Variants in SGCZ observed in about 807,000 individuals in gnomAD.
SGCZ encodes zeta-sarcoglycan.
In SGCZ, 40 loss-of-function variants were observed where a neutral mutation model predicts 41.3. That is an observed-to-expected ratio of 0.97 (90% CI 0.75 to 1.26). The LOEUF is 1.26. Among genes scored for constraint, SGCZ ranks in the 50% most tolerant of loss-of-function variants. The pLI, the probability that SGCZ is intolerant of heterozygous loss-of-function variation, is 0.00. For synonymous variants in SGCZ, 206 were observed against 137.5 expected, an observed-to-expected ratio of 1.50 and a Z score of -3.49; for missense variants, 552 against 369.8, an observed-to-expected ratio of 1.49 and a Z score of -4.04.
At chr8:14,199,219 G>A (rs1021357967) in intron 4 of SGCZ, among the ~76,000 whole-genome samples, 3 of 152,156 alleles carry the variant, frequency 2.0e-5, no homozygotes, top group Admixed American at 6.6e-5. Flanking sequence ...CTAAGGGGAG[G>A]ACTCTGAAAT....
chr8:14,164,530 T>A (rs1349887310), intron 5 of SGCZ, 50 bp downstream of exon 5: 1 of 1,607,874 alleles, frequency 6.2e-7, no homozygotes, highest in Non-Finnish European at 8.5e-7. Context: ...TGTGCAGTTG[T>A]ATATTCTTTA....
chr8:14,427,396 G>C (rs1325417427), intron 2 of SGCZ, among the ~76,000 whole-genome samples: 1 of 151,934 alleles, frequency 6.6e-6, no homozygotes, highest in Non-Finnish European at 1.5e-5. Context: ...AAGCGTGAAG[G>C]CATTTTGTTT....
At chr8:14,178,432 C>A (rs978489420) in intron 4 of SGCZ, among the ~76,000 whole-genome samples, 4 of 152,180 alleles carry the variant, frequency 2.6e-5, no homozygotes, top group African/African-American at 9.6e-5. Context: ...GCTAGCAAAC[C>A]ATGTAAACAG....
intron 1 of SGCZ, among the ~76,000 whole-genome samples, chr8:15,129,278 AC>A (rs1442314322): frequency 6.6e-6 from 1 of 152,024 alleles, no homozygotes; most frequent in East Asian, 1.9e-4. Flanking sequence ...TTGCAACCAC[AC>A]CCAGATACCA....
intron 2 of SGCZ, among the ~76,000 whole-genome samples, chr8:14,436,213 G>A (rs757752649): frequency 2.6e-5 from 4 of 152,142 alleles, no homozygotes; most frequent in Non-Finnish European, 4.4e-5. Context: ...AAGCCAATGA[G>A]CCACGGAACT....
chr8:14,250,035 A>T (rs1194326386), intron 3 of SGCZ, among the ~76,000 whole-genome samples: 1 of 152,208 alleles, frequency 6.6e-6, no homozygotes, highest in Admixed American at 6.5e-5. Context: ...TCATCTGAAG[A>T]TATTTCTAAA....
chr8:14,974,370 C>G (rs1801396432), intron 1 of SGCZ, among the ~76,000 whole-genome samples: 3 of 152,126 alleles, frequency 2.0e-5, no homozygotes, highest in Non-Finnish European at 4.4e-5. Context: ...AGTTCAGAAT[C>G]ACATAGAACA....
chr8:14,761,534 TA>T (rs199641886), intron 1 of SGCZ, among the ~76,000 whole-genome samples: 1,892 of 140,090 alleles, frequency 0.014, 28 homozygotes, highest in Middle Eastern at 0.019. Flanking sequence ...TTTATTTATT[TA>T]TTTATTTTTT....
intron 1 of SGCZ, among the ~76,000 whole-genome samples, chr8:14,794,178 A>C (rs985537759): frequency 6.6e-6 from 1 of 152,186 alleles, no homozygotes; most frequent in African/African-American, 2.4e-5. Context: ...AGTCACGATT[A>C]GACACCAATA....
chr8:14,426,001 C>T (rs1799772626), intron 2 of SGCZ, among the ~76,000 whole-genome samples: 2 of 151,980 alleles, frequency 1.3e-5, no homozygotes, highest in South Asian at 4.1e-4. Context: ...TATTAATTAA[C>T]ATTAATTAAC....
chr8:14,162,847 A>T (rs1160890762), intron 5 of SGCZ, among the ~76,000 whole-genome samples: 1 of 152,152 alleles, frequency 6.6e-6, no homozygotes, highest in Non-Finnish European at 1.5e-5. Context: ...GTTGAATTTC[A>T]TCACCATTTA....
intron 1 of SGCZ, among the ~76,000 whole-genome samples, chr8:14,742,081 G>T (rs1277350057): frequency 6.6e-6 from 1 of 151,452 alleles, no homozygotes; most frequent in Non-Finnish European, 1.5e-5. Context: ...TGATTTAGAG[G>T]GAAAAAAAAC....
At chr8:14,300,795 C>G (rs188524924) in intron 3 of SGCZ, among the ~76,000 whole-genome samples, 6 of 151,948 alleles carry the variant, frequency 3.9e-5, no homozygotes, top group Non-Finnish European at 1.5e-5. Flanking sequence ...TATTCAGGTC[C>G]TTTGCCTATT....
intron 2 of SGCZ, among the ~76,000 whole-genome samples, chr8:14,370,934 T>A (rs1008506227): frequency 2.6e-5 from 4 of 152,012 alleles, no homozygotes; most frequent in East Asian, 1.9e-4. Flanking sequence ...TCACAGTGCA[T>A]GTCTAAATAT....
intron 3 of SGCZ, among the ~76,000 whole-genome samples, chr8:14,241,117 C>A (rs1798865631): frequency 6.6e-6 from 1 of 152,042 alleles, no homozygotes; most frequent in Non-Finnish European, 1.5e-5. Flanking sequence ...CCAAAGGTCT[C>A]TGTATGAGAA....
chr8:14,887,508 T>C (rs1201853175), intron 1 of SGCZ, among the ~76,000 whole-genome samples: 1 of 152,156 alleles, frequency 6.6e-6, no homozygotes, highest in Non-Finnish European at 1.5e-5. Flanking sequence ...TATTATTGGG[T>C]TAAATACTAA....
chr8:14,576,826 A>G (rs766701767), intron 1 of SGCZ, among the ~76,000 whole-genome samples: 1 of 152,182 alleles, frequency 6.6e-6, no homozygotes, highest in South Asian at 2.1e-4. Context: ...TAATTCATCT[A>G]TCCCTACTTT....
chr8:14,376,169 G>T (rs1373692740), intron 2 of SGCZ, among the ~76,000 whole-genome samples: 1 of 151,882 alleles, frequency 6.6e-6, no homozygotes, highest in Non-Finnish European at 1.5e-5. Flanking sequence ...AAATTAGCCG[G>T]GCATGGTGGC....
chr8:14,939,419 T>C (rs950348412), intron 1 of SGCZ, among the ~76,000 whole-genome samples: 6 of 152,110 alleles, frequency 3.9e-5, no homozygotes, highest in African/African-American at 1.4e-4. Flanking sequence ...AAATTAATGC[T>C]TCCTATTTTT....
Sources: gnomAD v4.1 joint callset for allele counts (sites outside exome capture counted in the v4.1 genomes callset) on GRCh38, gnomAD v4.1.1 for gene constraint, MANE v1.5 for transcripts, NCBI Gene and HGNC (gene_info 2026-07-23, HGNC 2026-07-21) for gene names.